CCDC171: variants seen among roughly 807,000 people sequenced by gnomAD.
CCDC171 encodes coiled-coil domain containing 171.
CCDC171 carries 177 observed loss-of-function variants against 168.2 expected under a neutral mutation model. That is an observed-to-expected ratio of 1.05 (90% CI 0.93 to 1.19). The LOEUF (loss-of-function observed/expected upper bound fraction) is 1.19, where lower values mean the gene tolerates loss of function less well. Ranked by LOEUF, CCDC171 falls within the 50% of genes most tolerant of loss-of-function variation. The probability of loss-of-function intolerance (pLI) is 0.00; values close to 1 mark genes in which losing one functional copy is unlikely to be tolerated. For synonymous variants in CCDC171, 687 were observed against 540.8 expected (o/e 1.27, Z -3.75); for missense variants, 1,991 against 1,539.0 (o/e 1.29, Z -4.91).
At chr9:15,812,968 A>T (rs183913367) in intron 21 of CCDC171, among the ~76,000 whole-genome samples, 7 of 152,314 alleles carry the variant, frequency 4.6e-5, no homozygotes, top group Admixed American at 3.9e-4. Context: ...ATGATCCTAG[A>T]TTTTGAGCTG....
intron 6 of CCDC171, among the ~76,000 whole-genome samples, chr9:15,607,137 C>G (rs1323454543): frequency 1.3e-5 from 2 of 151,988 alleles, no homozygotes; most frequent in Admixed American, 6.6e-5. Context: ...AACATACAAC[C>G]CCCCCAGGGA....
At chr9:15,951,135 C>T (rs548576703) in intron 25 of CCDC171, among the ~76,000 whole-genome samples, 93 of 150,554 alleles carry the variant, frequency 6.2e-4, no homozygotes, top group African/African-American at 2.0e-3. Context: ...AAGTCCTGAG[C>T]GACCTACAAA....
intron 24 of CCDC171, among the ~76,000 whole-genome samples, chr9:15,917,667 A>G (rs2131948305): frequency 6.6e-6 from 1 of 151,864 alleles, no homozygotes; most frequent in African/African-American, 2.4e-5. Flanking sequence ...TCCTTTTAGA[A>G]TGTCATAAAG....
intron 25 of CCDC171, among the ~76,000 whole-genome samples, chr9:15,969,810 A>G (rs912980473): frequency 6.6e-6 from 1 of 152,196 alleles, no homozygotes; most frequent in African/African-American, 2.4e-5. Context: ...TGCAAAGTCA[A>G]TCCAGTAATG....
the CCDC171 span, among the ~76,000 whole-genome samples, chr9:16,088,312 C>A: frequency 6.6e-6 from 1 of 152,140 alleles, no homozygotes; most frequent in Admixed American, 6.6e-5. Context: ...AAAACTGGCA[C>A]AAGACAAGGA....
chr9:15,908,206 G>A (rs558662813), intron 24 of CCDC171, among the ~76,000 whole-genome samples: 14 of 152,110 alleles, frequency 9.2e-5, no homozygotes, highest in African/African-American at 2.2e-4. Flanking sequence ...ACATGCACAC[G>A]TATGTTTATT....
chr9:15,748,168 A>G (rs1306639045), intron 18 of CCDC171, among the ~76,000 whole-genome samples: 1 of 152,168 alleles, frequency 6.6e-6, no homozygotes, highest in Non-Finnish European at 1.5e-5. Flanking sequence ...TGAGAAATTC[A>G]TGAAGCATAC....
At chr9:15,561,588 A>T (rs1160141838) in intron 1 of CCDC171, among the ~76,000 whole-genome samples, 1 of 152,130 alleles carries the variant, frequency 6.6e-6, no homozygotes, top group African/African-American at 2.4e-5. Flanking sequence ...TGTAACTCTG[A>T]ACTTGACTGT....
intron 24 of CCDC171, among the ~76,000 whole-genome samples, chr9:15,912,401 A>G (rs958272257): frequency 6.6e-5 from 10 of 152,160 alleles, no homozygotes; most frequent in African/African-American, 2.4e-4. Context: ...TTGTTTTTGT[A>G]TCCAGAGACT....
At chr9:15,949,226 C>T (rs1284115752) in intron 25 of CCDC171, among the ~76,000 whole-genome samples, 3 of 152,062 alleles carry the variant, frequency 2.0e-5, no homozygotes, top group African/African-American at 7.2e-5. Context: ...GTTACTGTAG[C>T]CTTGTAGTAT....
At chr9:15,853,752 A>G (rs1319268385) in intron 23 of CCDC171, among the ~76,000 whole-genome samples, 1 of 151,562 alleles carries the variant, frequency 6.6e-6, no homozygotes, top group Non-Finnish European at 1.5e-5. Context: ...CCTCTTTATC[A>G]GTTTGAGAAA....
intron 21 of CCDC171, among the ~76,000 whole-genome samples, chr9:15,836,101 TAA>T (rs2060435991): frequency 6.6e-6 from 1 of 152,212 alleles, no homozygotes; most frequent in African/African-American, 2.4e-5. Context: ...ACTGATTTTC[TAA>T]AGTATCTCCT....
chr9:15,571,741 A>G lies in CCDC171; in HGVS notation c.159A>G (p.Thr53=), dbSNP rs1456702755. The G allele has an allele frequency of 6.3e-7, 1 of 1,586,092 alleles. No individual in the cohort carries two copies. ...CTAAAAAAGAAAAGTTAGAAATAACAACCAAACACAATGCAGAGGTACGAT... is the reference window on the plus strand; with the variant it reads ...CTAAAAAAGAAAAGTTAGAAATAACGACCAAACACAATGCAGAGGTACGAT... ...HWAKKEKLEI[T]TKHNAELASY... Residue 53 remains threonine, a synonymous_variant, in exon 3 of 26, where the codon ACA becomes ACG. Coordinates refer to ENST00000380701, the MANE Select transcript of CCDC171 (RefSeq NM_173550.4).
chr9:15,959,570 C>T (rs940945194), intron 25 of CCDC171, among the ~76,000 whole-genome samples: 2 of 151,924 alleles, frequency 1.3e-5, no homozygotes, highest in Non-Finnish European at 2.9e-5. Flanking sequence ...AGCTTTGAAA[C>T]CTGTGTCAAA....
At chr9:16,057,073 G>A (rs1057303752) in intron 1 of CCDC171, among the ~76,000 whole-genome samples, 1 of 152,162 alleles carries the variant, frequency 6.6e-6, no homozygotes, top group African/African-American at 2.4e-5. Flanking sequence ...ACAATAACCT[G>A]GACATTATTA....
chr9:15,945,962 A>C (rs544090936), intron 25 of CCDC171, among the ~76,000 whole-genome samples: 1 of 151,228 alleles, frequency 6.6e-6, no homozygotes, highest in African/African-American at 2.4e-5. Flanking sequence ...GCCCATGCCT[A>C]TGTCCTGAAT....
chr9:15,794,670 T>C (rs747241736), intron 21 of CCDC171, among the ~76,000 whole-genome samples: 2 of 152,178 alleles, frequency 1.3e-5, no homozygotes, highest in Non-Finnish European at 2.9e-5. Context: ...TAAGGGATTA[T>C]AAAAAATAAA....
At chr9:15,555,591 G>C (rs1295254305) in intron 1 of CCDC171, among the ~76,000 whole-genome samples, 2 of 152,180 alleles carry the variant, frequency 1.3e-5, no homozygotes, top group South Asian at 2.1e-4. Flanking sequence ...ACACAGCAGA[G>C]CTCTGGAGTC....
At chr9:15,869,925 A>G (rs1435155770) in intron 23 of CCDC171, among the ~76,000 whole-genome samples, 1 of 151,858 alleles carries the variant, frequency 6.6e-6, no homozygotes, top group Admixed American at 6.6e-5. Context: ...TATAGGTGAT[A>G]AAAGAATATT....
Sources: gnomAD v4.1 joint callset for allele counts (sites outside exome capture counted in the v4.1 genomes callset) on GRCh38, gnomAD v4.1.1 for gene constraint, MANE v1.5 for transcripts, NCBI Gene and HGNC (gene_info 2026-07-23, HGNC 2026-07-21) for gene names.